NPSR1: variants seen among roughly 807,000 people sequenced by gnomAD.
NPSR1 encodes neuropeptide S receptor.
NPSR1 carries 48 observed loss-of-function variants against 46.9 expected under a neutral mutation model. The ratio of observed to expected loss-of-function variants is 1.02; its 90% confidence interval spans 0.81 to 1.30. NPSR1 has a LOEUF of 1.30. Ranked by LOEUF, NPSR1 falls within the 50% of genes most tolerant of loss-of-function variation. The probability of loss-of-function intolerance (pLI) is 0.00; values close to 1 mark genes in which losing one functional copy is unlikely to be tolerated. For synonymous variants in NPSR1, 176 were observed against 168.1 expected, an observed-to-expected ratio of 1.05 and a Z score of -0.36; for missense variants, 450 against 449.5, an observed-to-expected ratio of 1.00 and a Z score of -0.01.
intron 1 of NPSR1, among the ~76,000 whole-genome samples, chr7:34,667,191 T>C (rs189379477): frequency 1.1e-4 from 17 of 152,320 alleles, no homozygotes; most frequent in Non-Finnish European, 1.9e-4. Flanking sequence ...GCTCTGGACC[T>C]GGCAGGCAGG....
At chr7:34,866,036 A>G (rs1186510085) in intron 8 of NPSR1, among the ~76,000 whole-genome samples, 1 of 151,796 alleles carries the variant, frequency 6.6e-6, no homozygotes, top group African/African-American at 2.4e-5. Context: ...AATCTTCATC[A>G]TAACAAAACT....
chr7:34,663,880 C>T (rs911281433), intron 1 of NPSR1, among the ~76,000 whole-genome samples: 1 of 152,204 alleles, frequency 6.6e-6, no homozygotes, highest in South Asian at 2.1e-4. Context: ...CCAGTGCTGA[C>T]TTGTTTCTGT....
At chr7:34,677,869 G>A (rs1792398372) in intron 1 of NPSR1, among the ~76,000 whole-genome samples, 1 of 152,250 alleles carries the variant, frequency 6.6e-6, no homozygotes, top group Admixed American at 6.5e-5. Context: ...CTAAAGGAGT[G>A]TGGACAGCTG....
chr7:34,807,481 A>G (rs1251538372), intron 3 of NPSR1, among the ~76,000 whole-genome samples: 1 of 152,144 alleles, frequency 6.6e-6, no homozygotes, highest in Non-Finnish European at 1.5e-5. Context: ...ATCTTTTATC[A>G]ATATAAATAA....
intron 2 of NPSR1, among the ~76,000 whole-genome samples, chr7:34,727,492 A>T (rs2128711766): frequency 6.6e-6 from 1 of 152,366 alleles, no homozygotes; most frequent in East Asian, 1.9e-4. Flanking sequence ...ACAATGATGT[A>T]TGTACAATGT....
At chr7:34,832,670 C>T (rs890536985) in intron 5 of NPSR1, among the ~76,000 whole-genome samples, 1 of 152,080 alleles carries the variant, frequency 6.6e-6, no homozygotes, top group Non-Finnish European at 1.5e-5. Context: ...TCTGATTGGC[C>T]CTAAGTAAAA....
intron 2 of NPSR1, among the ~76,000 whole-genome samples, chr7:34,769,792 C>A (rs1786592196): frequency 2.0e-5 from 3 of 152,206 alleles, no homozygotes; most frequent in African/African-American, 7.2e-5. Context: ...CCTGTTGTGA[C>A]TCTACTTCGG....
chr7:34,779,699 C>A, intron 3 of NPSR1: 1 of 564,126 alleles, frequency 1.8e-6, no homozygotes, highest in Non-Finnish European at 2.6e-6. Flanking sequence ...TTTTTAAAAA[C>A]ATATTTCAAT....
At chr7:34,716,647 T>C (rs1228034577) in intron 2 of NPSR1, among the ~76,000 whole-genome samples, 1 of 152,180 alleles carries the variant, frequency 6.6e-6, no homozygotes, top group Non-Finnish European at 1.5e-5. Context: ...CAATGAATGA[T>C]GAATTCATTG....
intron 1 of NPSR1, 104 bp from the exon 2 acceptor site, chr7:34,684,448 G>T (rs186768780): frequency 1.9e-6 from 2 of 1,063,400 alleles, no homozygotes; most frequent in Admixed American, 2.4e-5. Context: ...TCCAAAAGTA[G>T]GGATATGTGG....
intron 1 of NPSR1, among the ~76,000 whole-genome samples, chr7:34,665,511 G>C (rs1356797887): frequency 6.6e-6 from 1 of 152,108 alleles, no homozygotes; most frequent in Non-Finnish European, 1.5e-5. Context: ...TTCACATTCT[G>C]ACCCAATCAC....
At chr7:34,846,754 T>A (rs1790753355) in intron 7 of NPSR1, among the ~76,000 whole-genome samples, 1 of 152,198 alleles carries the variant, frequency 6.6e-6, no homozygotes, top group East Asian at 1.9e-4. Context: ...AACAAAGTAA[T>A]CTTTCCTCCA....
intron 1 of NPSR1, among the ~76,000 whole-genome samples, chr7:34,673,709 C>G (rs1195314934): frequency 1.3e-5 from 2 of 152,144 alleles, no homozygotes; most frequent in Non-Finnish European, 2.9e-5. Context: ...CTGTTCTAGA[C>G]CCTTGTTAAA....
At chr7:34,698,283 A>G (rs1461930570) in intron 2 of NPSR1, among the ~76,000 whole-genome samples, 1 of 152,228 alleles carries the variant, frequency 6.6e-6, no homozygotes, top group African/African-American at 2.4e-5. Context: ...ACCAAATTAT[A>G]TACTTATGAT....
intron 2 of NPSR1, among the ~76,000 whole-genome samples, chr7:34,710,376 C>T (rs141038389): frequency 3.3e-5 from 5 of 152,320 alleles, no homozygotes; most frequent in African/African-American, 1.2e-4. Flanking sequence ...TGTGAATTAA[C>T]TGTTTCTAGA....
intron 2 of NPSR1, among the ~76,000 whole-genome samples, chr7:34,711,720 C>A (rs972225184): frequency 6.6e-6 from 1 of 152,340 alleles, no homozygotes; most frequent in East Asian, 1.9e-4. Context: ...TAGCCCAGAG[C>A]CTGCTCAAGA....
At chr7:34,693,521 A>G (rs1320937135) in intron 2 of NPSR1, among the ~76,000 whole-genome samples, 1 of 152,222 alleles carries the variant, frequency 6.6e-6, no homozygotes, top group Admixed American at 6.5e-5. Flanking sequence ...AACAAAAAAA[A>G]TCTCAAGACC....
intron 4 of NPSR1, among the ~76,000 whole-genome samples, chr7:34,814,653 C>A (rs865900069): frequency 6.6e-6 from 1 of 152,326 alleles, no homozygotes; most frequent in African/African-American, 2.4e-5. Flanking sequence ...GGCCAACAGA[C>A]ACCTCATATA....
chr7:34,710,704 G>A (rs1783237328), intron 2 of NPSR1: 17 of 300,606 alleles, frequency 5.7e-5, no homozygotes, highest in South Asian at 5.2e-4. Context: ...TTATAGCATT[G>A]GGGTCTAGTG....
Sources: allele counts gnomAD v4.1 joint callset (sites outside exome capture counted in the v4.1 genomes callset), GRCh38; gene constraint gnomAD v4.1.1; transcripts MANE v1.5; gene names NCBI Gene and HGNC (gene_info 2026-07-23, HGNC 2026-07-21).